The following PPP1R42 variants were observed in gnomAD, a reference collection of about 807,000 sequenced individuals.
PPP1R42 encodes leucine rich repeat containing 67.
Under a neutral mutation model 31.0 loss-of-function variants are expected in PPP1R42, and 34 were observed. The observed-to-expected ratio is 1.10, with a 90% CI of 0.83 to 1.46. The LOEUF (loss-of-function observed/expected upper bound fraction) is 1.46. PPP1R42 is among the 40% of genes most tolerant of loss of function. The pLI, the probability that PPP1R42 is intolerant of heterozygous loss-of-function variation, is 0.00. For synonymous variants in PPP1R42, 103 were observed against 109.8 expected, an observed-to-expected ratio of 0.94 and a Z score of 0.39; for missense variants, 268 against 303.0, an observed-to-expected ratio of 0.88 and a Z score of 0.86.
At chr8:66,981,659 G>C (rs755074531) in intron 7 of PPP1R42, among the ~76,000 whole-genome samples, 1 of 152,168 alleles carries the variant, frequency 6.6e-6, no homozygotes, top group Non-Finnish European at 1.5e-5. Flanking sequence ...GGGATTACAG[G>C]TGTGAGCCAC....
intron 3 of PPP1R42, 44 bp downstream of exon 3, chr8:67,014,382 A>C (rs1408390024): frequency 8.2e-7 from 1 of 1,213,918 alleles, no homozygotes; most frequent in Non-Finnish European, 1.1e-6. Context: ...TAAGTACCAT[A>C]ATCATAAAAA....
intron 6 of PPP1R42, among the ~76,000 whole-genome samples, chr8:66,982,951 C>A: frequency 7.3e-6 from 1 of 136,324 alleles, no homozygotes; most frequent in Admixed American, 7.5e-5. Context: ...TAATTAAAAG[C>A]TTTTTTTTTT....
At chr8:66,981,948 A>G (rs1311442247) in intron 7 of PPP1R42, 101 bp downstream of exon 7, 5 of 1,206,838 alleles carry the variant, frequency 4.1e-6, no homozygotes, top group Non-Finnish European at 5.2e-6. Flanking sequence ...ACAACAACAA[A>G]AAACTAAACA....
Position 67,014,599 on chromosome 8 carries a change from G to A in PPP1R42, c.130-7C>T, listed in dbSNP as rs1261082967. On this transcript the variant is annotated splice_region_variant and splice_polypyrimidine_tract_variant and intron_variant, in intron 2 of 7. Transcript: ENST00000685739. ...TGCAAAGAGAGAGGTCTTCCTAAAA[G>A]GGAAACAAAAACATGTCAAATGTAA... The A allele has an allele frequency of 1.3e-6, 2 of 1,510,774 alleles. No individual in the cohort carries two copies. Among genetic ancestry groups the A allele is most frequent in the Non-Finnish European group, 1.8e-6 (2 of 1,121,068 alleles). The allele number at this position is 1,510,774 out of a possible 1,614,324, so 93.6% of individuals were successfully genotyped here.
chr8:67,024,321 T>C (rs1363904676), intron 1 of PPP1R42, among the ~76,000 whole-genome samples: 1 of 152,012 alleles, frequency 6.6e-6, no homozygotes, highest in Non-Finnish European at 1.5e-5. Flanking sequence ...TCTTTTTGTA[T>C]GTGTGTGTGT....
chr8:66,984,051 T>C, intron 6 of PPP1R42: 1 of 1,313,990 alleles, frequency 7.6e-7, no homozygotes, highest in East Asian at 2.4e-5. Flanking sequence ...ATCATACAAG[T>C]GGGAGTGGGT....
intron 4 of PPP1R42, among the ~76,000 whole-genome samples, chr8:67,011,331 G>T (rs1815837991): frequency 6.6e-6 from 1 of 152,154 alleles, no homozygotes. Flanking sequence ...TTCAAGACCA[G>T]CCTGGCCAAC....
chr8:66,971,459 C>T (rs934250539), intron 7 of PPP1R42, among the ~76,000 whole-genome samples: 20 of 152,054 alleles, frequency 1.3e-4, no homozygotes, highest in African/African-American at 4.8e-4. Flanking sequence ...GTAAATTAAT[C>T]GTGTATCGTT....
intron 7 of PPP1R42, among the ~76,000 whole-genome samples, chr8:66,980,459 G>T (rs1814793903): frequency 1.3e-5 from 2 of 151,932 alleles, no homozygotes; most frequent in African/African-American, 4.8e-5. Flanking sequence ...GAACTCCTAG[G>T]CTCAAATTAT....
chr8:66,981,302 A>G (rs557640886), intron 7 of PPP1R42, among the ~76,000 whole-genome samples: 17 of 152,178 alleles, frequency 1.1e-4, no homozygotes, highest in African/African-American at 3.9e-4. Context: ...GAGTATGTGC[A>G]TAAGAAGGGA....
chr8:66,973,189 C>T (rs1389417555), intron 7 of PPP1R42, among the ~76,000 whole-genome samples: 2 of 152,040 alleles, frequency 1.3e-5, no homozygotes, highest in African/African-American at 4.8e-5. Flanking sequence ...GCAACTACCA[C>T]AAGGTCTGAA....
At chr8:67,019,373 T>A (rs1050615835) in intron 1 of PPP1R42, among the ~76,000 whole-genome samples, 1 of 149,502 alleles carries the variant, frequency 6.7e-6, no homozygotes, top group Admixed American at 6.7e-5. Context: ...CCCGAGTAGC[T>A]GGGATTACAG....
chr8:67,022,867 C>T (rs1184121775), intron 1 of PPP1R42, among the ~76,000 whole-genome samples: 1 of 152,038 alleles, frequency 6.6e-6, no homozygotes, highest in South Asian at 2.1e-4. Flanking sequence ...TTGGGTTATT[C>T]TTGGTCCTTG....
intron 6 of PPP1R42, among the ~76,000 whole-genome samples, chr8:66,982,743 C>T (rs1814880883): frequency 6.6e-6 from 1 of 152,032 alleles, no homozygotes; most frequent in African/African-American, 2.4e-5. Flanking sequence ...CAGGCATGAG[C>T]CACCGTTCCT....
At position 67,017,702 on chromosome 8, in the gene PPP1R42, T is replaced by A. The variant is rs1323444262; in HGVS notation, c.46A>T (p.Lys16Ter). The A allele has an allele frequency of 8.1e-6, 13 of 1,601,098 alleles. No individual in the cohort carries two copies. Among genetic ancestry groups the A allele is most frequent in the East Asian group, 2.3e-5 (1 of 44,282 alleles). Residue 16 changes from lysine to a stop codon, truncating the protein, a stop_gained, in exon 2 of 8, where the codon AAA becomes TAA. Transcript: ENST00000685739. LOFTEE classifies it high-confidence loss of function. ...LDLIARNSNL[K>*]PRKEETISQC... ...GAAATGGTTTCTTCTTTTCGGGGTT[T>A]AAGATTGCTGTTTCTGGCAATTAGA...
chr8:66,969,481 G>A (rs1814479708), intron 7 of PPP1R42, among the ~76,000 whole-genome samples: 1 of 152,150 alleles, frequency 6.6e-6, no homozygotes. Context: ...TGGAGAGGAG[G>A]CAAGACCAAA....
intron 5 of PPP1R42, among the ~76,000 whole-genome samples, chr8:67,000,576 GCCT>G (rs1472053475): frequency 1.3e-5 from 2 of 151,954 alleles, no homozygotes; most frequent in African/African-American, 4.8e-5. Context: ...TCCCAACTCA[GCCT>G]CCTGAGTAGC....
chr8:66,998,601 G>A (rs1815398519), intron 5 of PPP1R42, among the ~76,000 whole-genome samples: 1 of 152,166 alleles, frequency 6.6e-6, no homozygotes, highest in Non-Finnish European at 1.5e-5. Context: ...TGAGTAATGT[G>A]GTATAGCAAA....
At chr8:67,015,355 A>G (rs1197190950) in intron 2 of PPP1R42, among the ~76,000 whole-genome samples, 1 of 152,198 alleles carries the variant, frequency 6.6e-6, no homozygotes, top group East Asian at 1.9e-4. Context: ...TAATGCTATC[A>G]AAAGAAATAC....
Sources: allele counts gnomAD v4.1 joint callset (sites outside exome capture counted in the v4.1 genomes callset), GRCh38; gene constraint gnomAD v4.1.1; transcripts MANE v1.5; gene names NCBI Gene and HGNC (gene_info 2026-07-23, HGNC 2026-07-21).